FAM114A2: variants seen among roughly 807,000 people sequenced by gnomAD.
The protein encoded by FAM114A2 is protein FAM114A2.
In FAM114A2, 53 loss-of-function variants were observed where a neutral mutation model predicts 58.4. That is an observed-to-expected ratio of 0.91 (90% confidence interval 0.73 to 1.14). FAM114A2 has a LOEUF of 1.14. Ranked by LOEUF, FAM114A2 falls within the 50% of genes most tolerant of loss-of-function variation. The pLI, the probability that FAM114A2 is intolerant of heterozygous loss-of-function variation, is 0.00. For synonymous variants in FAM114A2, 228 were observed against 211.4 expected (o/e 1.08, Z -0.68); for missense variants, 601 against 581.1 (o/e 1.03, Z -0.35).
chr5:154,030,978 T>C (rs1160592385), intron 4 of FAM114A2, among the ~76,000 whole-genome samples: 2 of 152,004 alleles, frequency 1.3e-5, no homozygotes, highest in Non-Finnish European at 2.9e-5. Context: ...AGTACTTAGT[T>C]AGAGTAAAGG....
chr5:154,000,262 T>C (rs1320590483), intron 11 of FAM114A2, among the ~76,000 whole-genome samples: 1 of 152,028 alleles, frequency 6.6e-6, no homozygotes, highest in African/African-American at 2.4e-5. Flanking sequence ...TACAGTTAGA[T>C]AGAAAAAAAT....
At chr5:154,023,342 A>T (rs1205120594) in intron 8 of FAM114A2, among the ~76,000 whole-genome samples, 1 of 152,222 alleles carries the variant, frequency 6.6e-6, no homozygotes, top group Non-Finnish European at 1.5e-5. Flanking sequence ...AAGCAGCACA[A>T]TTCAAAAGTG....
intron 1 of FAM114A2, chr5:154,036,606 A>G (rs1270065379): frequency 6.6e-6 from 1 of 152,238 alleles, no homozygotes; most frequent in Non-Finnish European, 1.5e-5. Flanking sequence ...CAGGTGCTGC[A>G]TTCAGTCCAA....
rs1770091542 is a variant in FAM114A2 at position 154,002,949 on chromosome 5, T to C, written c.1014A>G (p.Glu338=). 1.2e-6 allele frequency: 2 copies of C among 1,613,902 alleles called. No individual in the cohort carries two copies. The highest frequency in any genetic ancestry group is 1.7e-6 in the Non-Finnish European group (2 of 1,179,874). ...KLARARNTAH[E]WIRKSLTKPL... is the part of the protein sequence containing the mutation. ...GCTTGGTCAGAGACTTCCTGATCCA[T>C]TCGTGGGCGGTATTTCTTGCCTAAA... Residue 338 remains glutamate, a synonymous_variant, in exon 10 of 14, where the codon GAA becomes GAG. Transcript: ENST00000351797.
At chr5:153,996,485 G>T (rs1196563373) in intron 12 of FAM114A2, among the ~76,000 whole-genome samples, 1 of 150,368 alleles carries the variant, frequency 6.7e-6, no homozygotes, top group South Asian at 2.1e-4. Context: ...CAAAGGACAC[G>T]ATCAAAAAGC....
chr5:154,036,677 C>A (rs567408553), intron 1 of FAM114A2: 1 of 151,720 alleles, frequency 6.6e-6, no homozygotes, highest in East Asian at 1.9e-4. Flanking sequence ...TGAAAAAAAA[C>A]AGAACTCCAT....
At chr5:154,011,091 G>A (rs949960860) in intron 9 of FAM114A2, 150 bp downstream of exon 9, 4 of 595,122 alleles carry the variant, frequency 6.7e-6, no homozygotes, top group Non-Finnish European at 1.2e-5. Flanking sequence ...GGAGCAGAAG[G>A]CAAGTAGATG....
chr5:154,000,393 G>A (rs62385610), intron 11 of FAM114A2, among the ~76,000 whole-genome samples: 1 of 151,968 alleles, frequency 6.6e-6, no homozygotes, highest in South Asian at 2.1e-4. Flanking sequence ...AATACTCAAG[G>A]TGATGAATAC....
intron 12 of FAM114A2, among the ~76,000 whole-genome samples, chr5:153,995,804 T>C (rs1430671890): frequency 6.6e-6 from 1 of 152,194 alleles, no homozygotes; most frequent in East Asian, 1.9e-4. Context: ...AATTCCAATT[T>C]TTAAAATCCC....
chr5:154,010,445 G>C (rs1034245756), intron 9 of FAM114A2, among the ~76,000 whole-genome samples: 1 of 152,170 alleles, frequency 6.6e-6, no homozygotes, highest in Non-Finnish European at 1.5e-5. Context: ...AGGAGAGTGG[G>C]ATAACACACC....
At chr5:154,030,490 A>G (rs1772111585) in intron 4 of FAM114A2, among the ~76,000 whole-genome samples, 1 of 152,246 alleles carries the variant, frequency 6.6e-6, no homozygotes, top group Non-Finnish European at 1.5e-5. Flanking sequence ...AGGCAGTACA[A>G]GACTTCGGTT....
At chr5:154,027,356 A>G in intron 6 of FAM114A2, 22 bp from the exon 7 acceptor site, 1 of 1,597,204 alleles carries the variant, frequency 6.3e-7, no homozygotes, top group African/African-American at 1.3e-5. Flanking sequence ...TGGAGGCATT[A>G]CACTGTAGCA....
intron 1 of FAM114A2, among the ~76,000 whole-genome samples, chr5:154,037,801 C>T (rs1581851499): frequency 6.6e-6 from 1 of 152,296 alleles, no homozygotes; most frequent in East Asian, 1.9e-4. Context: ...TCTTCCCCTG[C>T]CTCAGCCTCC....
intron 8 of FAM114A2, among the ~76,000 whole-genome samples, chr5:154,021,979 A>G (rs980282785): frequency 3.9e-5 from 6 of 152,226 alleles, no homozygotes; most frequent in African/African-American, 1.4e-4. Flanking sequence ...GAGGCCTCAG[A>G]AATAACATCA....
At position 153,990,527 on chromosome 5, in the gene FAM114A2, C is replaced by T. The variant is rs1460912328; in HGVS notation, c.*2449G>A. 2 of 149,298 alleles carry T rather than the reference C, an allele frequency of 1.3e-5. No homozygotes were observed. Among genetic ancestry groups the T allele is most frequent in the Admixed American group, 1.3e-4 (2 of 15,068 alleles). The allele number at this position is 149,298 out of a possible 1,614,324, so 9.2% of individuals were successfully genotyped here. On this transcript the variant is annotated 3_prime_UTR_variant, in exon 14 of 14. Transcript: ENST00000351797. ...AAAAAAAAAAAAAAACTATCAAAAGCAAGTAAGGAAAATATAGCTTGTCCT... is the reference window on the plus strand; with the variant it reads ...AAAAAAAAAAAAAAACTATCAAAAGTAAGTAAGGAAAATATAGCTTGTCCT...
rs1769213742 is a variant in FAM114A2 at position 153,990,544 on chromosome 5, GCTTGTC to G, written c.*2426_*2431del. 6.7e-6 allele frequency: 1 copy of G among 149,968 alleles called. No homozygotes were observed. The highest frequency in any genetic ancestry group is 1.5e-5 in the Non-Finnish European group (1 of 67,732). The allele number at this position is 149,968 out of a possible 1,614,324, so 9.3% of individuals were successfully genotyped here. ...ATCAAAAGCAAGTAAGGAAAATATAGCTTGTCCTTAACACATTTCTAAGGTATTATG... is the reference window on the plus strand; with the variant it reads ...ATCAAAAGCAAGTAAGGAAAATATAGCTTAACACATTTCTAAGGTATTATG... On this transcript the variant is annotated 3_prime_UTR_variant, in exon 14 of 14. Coordinates refer to ENST00000351797, the MANE Select transcript of FAM114A2 (RefSeq NM_018691.4).
chr5:153,998,454 A>G (rs1769731109), intron 11 of FAM114A2, among the ~76,000 whole-genome samples: 1 of 152,222 alleles, frequency 6.6e-6, no homozygotes, highest in Admixed American at 6.5e-5. Flanking sequence ...GCAATATCAC[A>G]GTAGTCAGTG....
chr5:154,002,257 A>C lies in FAM114A2; in HGVS notation c.1250T>G (p.Leu417Arg). The C allele has an allele frequency of 6.2e-7, 1 of 1,613,514 alleles. No individual in the cohort carries two copies. The highest frequency in any genetic ancestry group is 8.5e-7 in the Non-Finnish European group (1 of 1,179,446). ...GAATTCTCATTACACTTACTGGGAAAGAGTTTGGCTCCTTTCTATGGCTGT... is the reference window on the plus strand; with the variant it reads ...GAATTCTCATTACACTTACTGGGAACGAGTTTGGCTCCTTTCTATGGCTGT... ...EVTAIERSQT[L>R]SQMTIVLCKE... Residue 417 changes from leucine to arginine, a missense_variant, in exon 11 of 14, where the codon CTT becomes CGT. Leu to Arg is a moderately radical substitution (Grantham distance 102). Transcript: ENST00000351797.
Position 154,029,589 on chromosome 5 carries a change from G to C in FAM114A2, c.404-9C>G. 1 of 1,498,712 alleles carries C rather than the reference G, an allele frequency of 6.7e-7. No individual in the cohort carries two copies. Among genetic ancestry groups the C allele is most frequent in the Non-Finnish European group, 9.3e-7 (1 of 1,076,632 alleles). 92.8% of individuals were successfully genotyped at this position (1,498,712 alleles called of 1,614,324 possible). On this transcript the variant is annotated splice_polypyrimidine_tract_variant and intron_variant, in intron 4 of 13. Coordinates refer to ENST00000351797, the MANE Select transcript of FAM114A2 (RefSeq NM_018691.4). The stretch of plus-strand genomic sequence containing the variant: ...TTTGGCATTTGTCTCTCCTACAAGA[G>C]GGAGGGGATGTGTAAACATGAAGGG...
Sources: allele counts gnomAD v4.1 joint callset (sites outside exome capture counted in the v4.1 genomes callset), GRCh38; gene constraint gnomAD v4.1.1; transcripts MANE v1.5; gene names NCBI Gene and HGNC (gene_info 2026-07-23, HGNC 2026-07-21).